The following ZNF430 variants were observed in gnomAD, a reference collection of about 807,000 sequenced individuals.
ZNF430 encodes zinc finger protein 430.
A neutral mutation model predicts 56.7 loss-of-function variants in ZNF430; 35 were observed. The observed-to-expected ratio is 0.62, with a 90% CI of 0.47 to 0.82. The LOEUF is 0.82. Ranked by LOEUF, ZNF430 falls within the 40% of genes least tolerant of loss-of-function variation. The probability of loss-of-function intolerance (pLI) is 0.00; values close to 1 mark genes in which losing one functional copy is unlikely to be tolerated. For missense variants in ZNF430, 574 were observed against 661.0 expected (o/e 0.87, Z 1.44); for synonymous variants, 212 against 224.3 (o/e 0.94, Z 0.49).
chr19:21,051,828 G>A (rs1968289129), intron 4 of ZNF430, among the ~76,000 whole-genome samples: 2 of 152,106 alleles, frequency 1.3e-5, no homozygotes, highest in Admixed American at 6.6e-5. Context: ...ATACCAAATT[G>A]TTTTTATTCT....
rs2041438603 is a variant in ZNF430, at chr19:21,057,718, A to G, written c.1410A>G (p.Pro470=). Residue 470 remains proline (P), a synonymous_variant, in exon 5 of 5, where the codon CCA becomes CCG. Coordinates refer to ENST00000261560, the MANE Select transcript of ZNF430 (RefSeq NM_025189.4). ...EECGKAFNRS[P]KLTAHKVIHS... ...GTGGCAAAGCCTTTAACCGGTCCCC[A>G]AAACTTACTGCACATAAGGTAATTC... 6.2e-7 allele frequency: 1 copy of G among 1,605,482 alleles called. No individual in the cohort carries two copies. Among genetic ancestry groups the G allele is most frequent in the Non-Finnish European group, 8.5e-7 (1 of 1,175,858 alleles).
At chr19:21,026,017 G>T in intron 2 of ZNF430, 2 of 372,594 alleles carry the variant, frequency 5.4e-6, no homozygotes, top group South Asian at 4.4e-5. Context: ...TCCATGGCAT[G>T]GTTTCCTCTG....
intron 4 of ZNF430, among the ~76,000 whole-genome samples, chr19:21,047,758 G>T (rs1223763883): frequency 6.6e-6 from 1 of 152,156 alleles, no homozygotes; most frequent in East Asian, 1.9e-4. Context: ...ATGACAGTGG[G>T]AACACTACTT....
intron 2 of ZNF430, among the ~76,000 whole-genome samples, chr19:21,031,880 A>G (rs1245106162): frequency 2.0e-5 from 3 of 152,204 alleles, no homozygotes; most frequent in African/African-American, 4.8e-5. Flanking sequence ...TTTTAACTAC[A>G]TTAAAAAATT....
chr19:21,046,184 T>C (rs1201364189), intron 4 of ZNF430, among the ~76,000 whole-genome samples: 1 of 152,064 alleles, frequency 6.6e-6, no homozygotes, highest in African/African-American at 2.4e-5. Context: ...TAGCCTGTCA[T>C]GGTAGTGCTC....
Position 21,056,675 on chromosome 19 carries a change from A to G in ZNF430, c.367A>G (p.Ile123Val), listed in dbSNP as rs199744484. ...CCAAGACCTTTGGCCAGAGCAGGGCATAAAAGATTCTTTCCAAGAAGTCAT... is the reference window on the plus strand; with the variant it reads ...CCAAGACCTTTGGCCAGAGCAGGGCGTAAAAGATTCTTTCCAAGAAGTCAT... Reference protein sequence around the residue: ...FAQDLWPEQGIKDSFQEVILR... With the variant: ...FAQDLWPEQGVKDSFQEVILR... The change falls in exon 5 of 5, where the codon ATA (isoleucine) becomes GTA (valine). Residue 123 changes from isoleucine (I) to valine (V), a missense_variant. Ile to Val is a conservative substitution (Grantham distance 29). Coordinates refer to ENST00000261560, the MANE Select transcript of ZNF430 (RefSeq NM_025189.4). 2 of 1,587,642 alleles carry G rather than the reference A, an allele frequency of 1.3e-6. No individual in the cohort carries two copies. Among genetic ancestry groups the G allele is most frequent in the Admixed American group, 1.8e-5 (1 of 56,132 alleles).
intron 2 of ZNF430, among the ~76,000 whole-genome samples, chr19:21,030,995 G>C (rs1967892507): frequency 6.6e-6 from 1 of 152,080 alleles, no homozygotes. Flanking sequence ...CCATTCTTAT[G>C]CCTCAGCCTC....
intron 2 of ZNF430, among the ~76,000 whole-genome samples, chr19:21,028,762 T>C (rs1734305671): frequency 6.6e-6 from 1 of 152,178 alleles, no homozygotes; most frequent in Admixed American, 6.6e-5. Flanking sequence ...CTCGGCTCAC[T>C]GCAACCTCCG....
At chr19:21,020,929 C>T in intron 1 of ZNF430, 126 bp downstream of exon 1, 1 of 1,362,104 alleles carries the variant, frequency 7.3e-7, no homozygotes, top group African/African-American at 1.4e-5. Context: ...AGTTCTTGCC[C>T]AGCTGGGCCT....
At chr19:21,042,354 T>C (rs1054432088) in intron 4 of ZNF430, among the ~76,000 whole-genome samples, 4 of 152,164 alleles carry the variant, frequency 2.6e-5, no homozygotes, top group Non-Finnish European at 5.9e-5. Flanking sequence ...TCAAATGGTA[T>C]TTCTGTTTCT....
chr19:21,048,391 C>T (rs1279699166), intron 4 of ZNF430, among the ~76,000 whole-genome samples: 1 of 150,724 alleles, frequency 6.6e-6, no homozygotes, highest in Non-Finnish European at 1.5e-5. Context: ...TGACTCTTAA[C>T]GAGCATGCTG....
chr19:21,050,376 T>C (rs1398185456), intron 4 of ZNF430, among the ~76,000 whole-genome samples: 2 of 152,234 alleles, frequency 1.3e-5, no homozygotes, highest in Non-Finnish European at 2.9e-5. Context: ...TGTATGACAA[T>C]GTTTAACTCT....
intron 4 of ZNF430, among the ~76,000 whole-genome samples, chr19:21,039,885 A>C (rs536429884): frequency 3.3e-5 from 5 of 152,186 alleles, no homozygotes; most frequent in Non-Finnish European, 7.3e-5. Context: ...TCCGTCACCC[A>C]GGCTGGAGTA....
Position 21,030,752 on chromosome 19 carries a change from C to G in ZNF430, c.97-2704C>G, listed in dbSNP as rs575870357. ...TTGTTTGAAACACGCATTCATGAAC[C>G]CTTTTCAAACTTGCAGATCCACATT... On this transcript the variant is annotated intron_variant, in intron 2 of 4. Transcript: ENST00000261560. 3.3e-5 allele frequency among the ~76,000 whole-genome samples: 5 copies of G among 152,152 alleles called. No individual in the cohort carries two copies. In the East Asian group the frequency reaches 7.8e-4, roughly 24 times the overall value.
intron 4 of ZNF430, among the ~76,000 whole-genome samples, chr19:21,036,982 G>A (rs546357005): frequency 6.6e-6 from 1 of 151,534 alleles, no homozygotes; most frequent in African/African-American, 2.4e-5. Flanking sequence ...TCCACTTTCT[G>A]TTTTTATGAG....
At chr19:21,024,644 G>A (rs1967758616) in intron 2 of ZNF430, among the ~76,000 whole-genome samples, 1 of 152,052 alleles carries the variant, frequency 6.6e-6, no homozygotes, top group Non-Finnish European at 1.5e-5. Context: ...GCCGGGCGTG[G>A]TCACGGGCGC....
chr19:21,025,729 G>A lies in ZNF430; in HGVS notation c.96+2848G>A, dbSNP rs916628844. On this transcript the variant is annotated intron_variant, in intron 2 of 4. Transcript: ENST00000261560. ...AGCCTCCCCAGTAGCTGGGATTACA[G>A]GCGCCTACCACCATGCCTGGCTAAT... is the stretch of plus-strand genomic sequence containing the variant. Among the ~76,000 whole-genome samples, 12 of 150,246 alleles carry A rather than the reference G, an allele frequency of 8.0e-5. No homozygotes were observed. The East Asian group carries it at 2.4e-3, about 30-fold the overall frequency.
At chr19:21,041,796 C>A (rs1968107177) in intron 4 of ZNF430, among the ~76,000 whole-genome samples, 1 of 152,198 alleles carries the variant, frequency 6.6e-6, no homozygotes, top group South Asian at 2.1e-4. Context: ...TCACTGCAAA[C>A]TCTGATACCC....
intron 2 of ZNF430, among the ~76,000 whole-genome samples, chr19:21,032,037 G>A (rs976805860): frequency 6.6e-6 from 1 of 152,038 alleles, no homozygotes; most frequent in Non-Finnish European, 1.5e-5. Context: ...TTCCCTTTGT[G>A]GCTGTTAAAC....
Sources: gnomAD v4.1 joint callset for allele counts (sites outside exome capture counted in the v4.1 genomes callset) on GRCh38, gnomAD v4.1.1 for gene constraint, MANE v1.5 for transcripts, NCBI Gene and HGNC (gene_info 2026-07-23, HGNC 2026-07-21) for gene names.